PLEKHB2: variants seen among roughly 807,000 people sequenced by gnomAD.
The protein encoded by PLEKHB2 is pleckstrin homology domain-containing family B member 2.
A neutral mutation model predicts 36.5 loss-of-function variants in PLEKHB2; 31 were observed. The ratio of observed to expected loss-of-function variants is 0.85; its 90% CI spans 0.64 to 1.15. PLEKHB2 has a LOEUF of 1.15. Ranked by LOEUF, PLEKHB2 falls within the 50% of genes most tolerant of loss-of-function variation. PLEKHB2 has a pLI of 0.00. For missense variants in PLEKHB2, 262 were observed against 295.3 expected, an observed-to-expected ratio of 0.89 and a Z score of 0.83; for synonymous variants, 119 against 112.0, an observed-to-expected ratio of 1.06 and a Z score of -0.39.
At chr2:131,130,905 C>T (rs1182511059) in intron 5 of PLEKHB2, 145 bp downstream of exon 5, 4 of 639,790 alleles carry the variant, frequency 6.3e-6, no homozygotes, top group Non-Finnish European at 1.1e-5. Context: ...CTCAGCCTCC[C>T]CTTCCCAGTA....
chr2:131,109,236 A>G (rs1038926353), intron 1 of PLEKHB2, among the ~76,000 whole-genome samples: 11 of 152,182 alleles, frequency 7.2e-5, no homozygotes, highest in African/African-American at 2.7e-4. Context: ...TACTCTCTAA[A>G]TTTCTCTCCC....
At chr2:131,114,283 G>A (rs1047456768) in intron 1 of PLEKHB2, among the ~76,000 whole-genome samples, 1 of 151,880 alleles carries the variant, frequency 6.6e-6, no homozygotes, top group African/African-American at 2.4e-5. Flanking sequence ...CCGCCCCCAC[G>A]CCCGGCTAAT....
At chr2:131,112,899 G>T (rs1249597105) in intron 1 of PLEKHB2, among the ~76,000 whole-genome samples, 1 of 152,130 alleles carries the variant, frequency 6.6e-6, no homozygotes, top group African/African-American at 2.4e-5. Flanking sequence ...ATTGCTCTGA[G>T]CTACTTTTCT....
At chr2:131,111,302 A>G (rs112464048) in intron 1 of PLEKHB2, among the ~76,000 whole-genome samples, 3,232 of 150,824 alleles carry the variant, frequency 0.021, 118 homozygotes, top group African/African-American at 0.074. Flanking sequence ...CACTGTGCCC[A>G]GCCAGCAGAA....
chr2:131,107,044 AG>A (rs756350140), intron 1 of PLEKHB2, among the ~76,000 whole-genome samples: 2 of 152,330 alleles, frequency 1.3e-5, no homozygotes, highest in African/African-American at 2.4e-5. Flanking sequence ...GGGAAGGTGG[AG>A]GTTTCTCTCA....
In PLEKHB2 at chr2:131,140,217, A is replaced by G. The variant is rs752289989; in HGVS notation, c.474A>G (p.Gln158=). The G allele has an allele frequency of 6.8e-6, 11 of 1,613,870 alleles. No individual in the cohort carries two copies. In the East Asian group the frequency reaches 2.5e-4, roughly 36 times the overall value. The stretch of plus-strand genomic sequence containing the variant: ...GTGGTGCGTACCCGCCAGGAACTCA[A>G]GTTGTCTACGCTGCGAATGGGCAGG... The part of the protein sequence containing the change: ...PYGGAYPPGT[Q]VVYAANGQAY... Residue 158 remains glutamine (Q), a synonymous_variant, in exon 7 of 8, where the codon CAA becomes CAG. Transcript: ENST00000693505.
At chr2:131,120,861 G>C (rs773151529) in intron 1 of PLEKHB2, 73 bp from the exon 2 acceptor site, 1 of 1,462,576 alleles carries the variant, frequency 6.8e-7, no homozygotes, top group Non-Finnish European at 9.6e-7. Flanking sequence ...AGGGGATAAG[G>C]ATAGAGACTC....
chr2:131,126,126 G>C lies in PLEKHB2; in HGVS notation c.190+221G>C, dbSNP rs371702428. Among the ~76,000 whole-genome samples the C allele has an allele frequency of 3.9e-5, 6 of 152,308 alleles. No individual in the cohort carries two copies. In the South Asian group the frequency reaches 1.2e-3, roughly 32 times the overall value. ...CACGTCCCTCGTTCTCGTGGAGAGG[G>C]AGCCAGAGCTCTGGGAACCTCAGGA... On this transcript the variant is annotated intron_variant, in intron 3 of 7. Transcript: ENST00000693505.
chr2:131,109,162 G>A lies in PLEKHB2; in HGVS notation c.-9+3764G>A, dbSNP rs548478918. The stretch of plus-strand genomic sequence containing the variant: ...AGCTTGGGCAACATAGTGAAACCTC[G>A]TCTCTACAAAAACAAAACAAAATGT... On this transcript the variant is annotated intron_variant, in intron 1 of 7. Coordinates refer to ENST00000693505, the MANE Select transcript of PLEKHB2 (RefSeq NM_001100623.2). Among the ~76,000 whole-genome samples the A allele has an allele frequency of 2.1e-3, 321 of 152,090 alleles. 1 individual carries two copies. Among genetic ancestry groups the A allele is most frequent in the Non-Finnish European group, 3.9e-3 (263 of 68,004 alleles).
chr2:131,126,944 A>G (rs1697162739), intron 4 of PLEKHB2, 158 bp downstream of exon 4: 1 of 589,420 alleles, frequency 1.7e-6, no homozygotes, highest in African/African-American at 1.9e-5. Flanking sequence ...CGCTTTTCCA[A>G]TTCTAGTTTC....
intron 1 of PLEKHB2, among the ~76,000 whole-genome samples, chr2:131,116,746 A>G (rs1393021224): frequency 1.3e-5 from 2 of 152,186 alleles, no homozygotes; most frequent in East Asian, 1.9e-4. Flanking sequence ...CTGGCAAATC[A>G]GATGTTCACC....
At chr2:131,136,150 C>CCCGGCCTCTTTTTACTTTT (rs1559096658) in intron 6 of PLEKHB2, among the ~76,000 whole-genome samples, 3 of 147,664 alleles carry the variant, frequency 2.0e-5, no homozygotes, top group South Asian at 2.2e-4. Flanking sequence ...GCCTGCCTGT[C>CCCGGCCTCTTTTTACTTTT]TTCCTGCCTC....
chr2:131,130,827 C>T (rs1697600551), intron 5 of PLEKHB2, 67 bp downstream of exon 5: 4 of 1,157,774 alleles, frequency 3.5e-6, no homozygotes, highest in Non-Finnish European at 2.6e-6. Context: ...CTCACTCAGG[C>T]TTGAGTGCAG....
intron 6 of PLEKHB2, 39 bp downstream of exon 6, chr2:131,133,030 G>A: frequency 7.5e-7 from 1 of 1,340,268 alleles, no homozygotes; most frequent in Non-Finnish European, 1.1e-6. Context: ...GGGAAGTTTG[G>A]GGTCTCTGCT....
intron 1 of PLEKHB2, among the ~76,000 whole-genome samples, chr2:131,112,420 C>G (rs1453169488): frequency 1.3e-5 from 2 of 152,146 alleles, no homozygotes; most frequent in African/African-American, 4.8e-5. Context: ...GTGAGCTGCT[C>G]TAGCAAATTA....
At chr2:131,125,399 C>T (rs1002496784) in intron 2 of PLEKHB2, among the ~76,000 whole-genome samples, 1 of 152,224 alleles carries the variant, frequency 6.6e-6, no homozygotes, top group Admixed American at 6.5e-5. Flanking sequence ...GCCCTGTGCT[C>T]TGCTTTCCCT....
At chr2:131,141,302 G>T (rs962333264) in intron 7 of PLEKHB2, among the ~76,000 whole-genome samples, 1 of 152,116 alleles carries the variant, frequency 6.6e-6, no homozygotes, top group Non-Finnish European at 1.5e-5. Context: ...GGAGGATCCT[G>T]CTTTGCTTGA....
intron 1 of PLEKHB2, among the ~76,000 whole-genome samples, chr2:131,119,494 TG>T (rs1456935725): frequency 6.6e-6 from 1 of 152,184 alleles, no homozygotes; most frequent in Non-Finnish European, 1.5e-5. Flanking sequence ...TCCTCCGTCG[TG>T]GGGCATGTTG....
intron 2 of PLEKHB2, among the ~76,000 whole-genome samples, chr2:131,121,661 T>C (rs898357792): frequency 6.6e-6 from 1 of 152,220 alleles, no homozygotes; most frequent in Admixed American, 6.5e-5. Context: ...GATTGAGCAG[T>C]GACTCAGATT....
Sources: allele counts gnomAD v4.1 joint callset (sites outside exome capture counted in the v4.1 genomes callset), GRCh38; gene constraint gnomAD v4.1.1; transcripts MANE v1.5; gene names NCBI Gene and HGNC (gene_info 2026-07-23, HGNC 2026-07-21).